ALDH6A1: variants seen among roughly 807,000 people sequenced by gnomAD.
ALDH6A1 encodes aldehyde dehydrogenase 6 family member A1, also known as methylmalonate-semialdehyde/malonate-semialdehyde dehydrogenase [acylating], mitochondrial.
ALDH6A1 carries 43 observed loss-of-function variants against 62.6 expected under a neutral mutation model. The ratio of observed to expected loss-of-function variants is 0.69; its 90% CI spans 0.54 to 0.89. ALDH6A1 has a LOEUF of 0.89. Ranked by LOEUF, ALDH6A1 falls within the 40% of genes least tolerant of loss-of-function variation. The pLI is 0.00. For missense variants in ALDH6A1, 551 were observed against 661.3 expected, an observed-to-expected ratio of 0.83 and a Z score of 1.83; for synonymous variants, 194 against 234.2, an observed-to-expected ratio of 0.83 and a Z score of 1.57.
chr14:74,079,157 C>CT (rs1176689009), intron 1 of ALDH6A1, among the ~76,000 whole-genome samples: 1 of 151,632 alleles, frequency 6.6e-6, no homozygotes, highest in African/African-American at 2.4e-5. Context: ...TACCACATCT[C>CT]TATTTGGATG....
At chr14:74,074,726 T>C (rs1484982187) in intron 2 of ALDH6A1, among the ~76,000 whole-genome samples, 7 of 152,188 alleles carry the variant, frequency 4.6e-5, no homozygotes, top group Non-Finnish European at 1.0e-4. Context: ...CTAAAGGTCA[T>C]TAAGAAGAAG....
chr14:74,079,974 G>C (rs1210761526), intron 1 of ALDH6A1, among the ~76,000 whole-genome samples: 1 of 152,096 alleles, frequency 6.6e-6, no homozygotes, highest in Non-Finnish European at 1.5e-5. Context: ...GGAGATTGAG[G>C]CTACAGTGAG....
At position 74,067,567 on chromosome 14, in the gene ALDH6A1, TC is replaced by T. The variant is rs1282411411; in HGVS notation, c.854del (p.Gly285GlufsTer7). 1 of 1,613,564 alleles carries T rather than the reference TC, an allele frequency of 6.2e-7. No homozygotes were observed. The highest frequency in any genetic ancestry group is 8.5e-7 in the Non-Finnish European group (1 of 1,180,004). On this transcript the variant is annotated frameshift_variant and splice_region_variant, in exon 8 of 12. Transcript: ENST00000553458. LOFTEE classifies it high-confidence loss of function. ...RHGKRVQANM[G>X]AKNHGVVMPD... ...GCATGACTACCCCATGGTTCTTGGC[TC>T]CCTAAAAAAAAATGCAGAAAGCACA...
intron 1 of ALDH6A1, chr14:74,083,009 A>C (rs1294493133): frequency 6.6e-6 from 1 of 152,216 alleles, no homozygotes; most frequent in East Asian, 1.9e-4. Context: ...TATAGGGTGG[A>C]AACTTTGTTT....
rs1237334029 is a variant in ALDH6A1 at position 74,059,910 on chromosome 14, T to C, written c.*732A>G. The C allele has an allele frequency of 6.5e-6, 1 of 153,404 alleles. No individual in the cohort carries two copies. The highest frequency in any genetic ancestry group is 1.5e-5 in the Non-Finnish European group (1 of 68,948). 9.5% of individuals were successfully genotyped at this position (153,404 alleles called of 1,614,324 possible). ...GGTCATGAATTACTAGGAAACAAAG[T>C]GGCATTGAGCAGAAAAGAAAGAAGC... On this transcript the variant is annotated 3_prime_UTR_variant, in exon 12 of 12. Transcript: ENST00000553458.
chr14:74,064,988 A>G (rs2060437149), intron 10 of ALDH6A1, 68 bp from the exon 11 acceptor site: 1 of 1,476,992 alleles, frequency 6.8e-7, no homozygotes, highest in Non-Finnish European at 9.4e-7. Flanking sequence ...ACACAAAGGC[A>G]TCAGAGACCA....
intron 1 of ALDH6A1, among the ~76,000 whole-genome samples, chr14:74,083,879 A>G (rs993822667): frequency 6.6e-5 from 10 of 151,958 alleles, no homozygotes; most frequent in African/African-American, 2.2e-4. Context: ...CCTCCCCCTT[A>G]CCTCAGATCA....
intron 6 of ALDH6A1, chr14:74,070,954 C>G (rs1408335275): frequency 1.8e-6 from 1 of 543,024 alleles, no homozygotes; most frequent in Non-Finnish European, 3.3e-6. Flanking sequence ...TTATCTGTGT[C>G]TAGCCCTAAT....
chr14:74,056,869 C>T lies in ALDH6A1; in HGVS notation c.*3773G>A, dbSNP rs755577197. ...ATATGAAGGCATGAGGAGACACTGC[C>T]TCATTCATTATCTTTGTTGACTTTT... is the stretch of plus-strand genomic sequence containing the variant. On this transcript the variant is annotated 3_prime_UTR_variant, in exon 12 of 12. Transcript: ENST00000553458. 16 of 1,409,752 alleles carry T rather than the reference C, an allele frequency of 1.1e-5. No homozygotes were observed. Among genetic ancestry groups the T allele is most frequent in the Non-Finnish European group, 1.4e-5 (14 of 998,434 alleles). 87.3% of individuals were successfully genotyped at this position (1,409,752 alleles called of 1,614,324 possible). A position where few individuals can be genotyped will look rare whatever the true frequency, so the allele number is the denominator to read the frequency against.
At position 74,057,532 on chromosome 14, in the gene ALDH6A1, T is replaced by C; in HGVS notation, c.*3110A>G. On this transcript the variant is annotated 3_prime_UTR_variant, in exon 12 of 12. Coordinates refer to ENST00000553458, the MANE Select transcript of ALDH6A1 (RefSeq NM_005589.4). ...AACAGCCTAGCCAAAATGTGTACTA[T>C]CTTTTACGTAAGAGTAAACATAGTG... The C allele has an allele frequency of 1.5e-6, 2 of 1,349,550 alleles. No homozygotes were observed. The highest frequency in any genetic ancestry group is 9.6e-7 in the Non-Finnish European group (1 of 1,043,710). The allele number at this position is 1,349,550 out of a possible 1,614,324, so 83.6% of individuals were successfully genotyped here.
intron 1 of ALDH6A1, among the ~76,000 whole-genome samples, chr14:74,083,455 G>T (rs8017369): frequency 1.3e-5 from 2 of 152,204 alleles, no homozygotes; most frequent in Non-Finnish European, 2.9e-5. Context: ...CCTTAGGTTG[G>T]CTTCAGAGAG....
chr14:74,084,307 A>G lies in ALDH6A1; in HGVS notation c.48+40T>C, dbSNP rs756337509. ...TCAGGGAGCGGACGGAAAGGATCCA[A>G]TTCCTAGCTTCATGGTGCCTTGGCA... On this transcript the variant is annotated intron_variant, in intron 1 of 11. Transcript: ENST00000553458. The G allele has an allele frequency of 4.3e-6, 7 of 1,613,376 alleles. No individual in the cohort carries two copies. In the South Asian group the frequency reaches 5.5e-5, roughly 13 times the overall value.
chr14:74,063,742 T>A (rs1257862942), intron 11 of ALDH6A1, among the ~76,000 whole-genome samples: 1 of 151,170 alleles, frequency 6.6e-6, no homozygotes, highest in African/African-American at 2.4e-5. Context: ...GGTGGGCATC[T>A]GTAATCCCAG....
Position 74,057,469 on chromosome 14 carries a change from C to T in ALDH6A1, c.*3173G>A. 6.9e-7 allele frequency: 1 copy of T among 1,443,856 alleles called. No individual in the cohort carries two copies. The allele number at this position is 1,443,856 out of a possible 1,614,324, so 89.4% of individuals were successfully genotyped here. On this transcript the variant is annotated 3_prime_UTR_variant, in exon 12 of 12. Transcript: ENST00000553458. ...CTAATGCAAATGCAAATGTGTGCCT[C>T]TTTTTGTGTAGAAACCTATAGGTTG...
intron 2 of ALDH6A1, 48 bp downstream of exon 2, chr14:74,074,907 A>T: frequency 1.9e-6 from 3 of 1,575,252 alleles, no homozygotes; most frequent in Non-Finnish European, 2.6e-6. Flanking sequence ...ACCCAAAACT[A>T]TACTGAATTC....
At chr14:74,081,847 C>T (rs1442838126) in intron 1 of ALDH6A1, among the ~76,000 whole-genome samples, 3 of 152,198 alleles carry the variant, frequency 2.0e-5, no homozygotes, top group Admixed American at 6.6e-5. Context: ...TCTGAATTTT[C>T]AGCCCCATCA....
At chr14:74,080,739 A>C (rs2060661230) in intron 1 of ALDH6A1, among the ~76,000 whole-genome samples, 1 of 152,208 alleles carries the variant, frequency 6.6e-6, no homozygotes, top group African/African-American at 2.4e-5. Context: ...CATCACACCC[A>C]GCCTACTCTT....
chr14:74,066,919 C>A, intron 8 of ALDH6A1, 33 bp from the exon 9 acceptor site: 1 of 1,593,090 alleles, frequency 6.3e-7, no homozygotes, highest in Non-Finnish European at 8.6e-7. Context: ...TTAAGGTCCT[C>A]ATTAACATAA....
chr14:74,072,249 C>T lies in ALDH6A1; in HGVS notation c.302G>A (p.Arg101His), dbSNP rs780889448. Residue 101 changes from arginine to histidine, a missense_variant, in exon 4 of 12, where the codon CGC (arginine) becomes CAC (histidine). Coordinates refer to ENST00000553458, the MANE Select transcript of ALDH6A1 (RefSeq NM_005589.4). ...PAWADTSVLS[R>H]QQVLLRYQQL... is the part of the protein sequence containing the mutation. Reference sequence around the variant, plus strand: ...TTGATAGCGGAGCAAGACCTGCTGGCGGCTTAATACTGAAGTGTCTGCCCA... The same window carrying T: ...TTGATAGCGGAGCAAGACCTGCTGGTGGCTTAATACTGAAGTGTCTGCCCA... 1.7e-5 allele frequency: 28 copies of T among 1,614,082 alleles called. No homozygotes were observed. The highest frequency in any genetic ancestry group is 2.1e-5 in the Non-Finnish European group (25 of 1,180,042).
Sources: allele counts gnomAD v4.1 joint callset (sites outside exome capture counted in the v4.1 genomes callset), GRCh38; gene constraint gnomAD v4.1.1; transcripts MANE v1.5; gene names NCBI Gene and HGNC (gene_info 2026-07-23, HGNC 2026-07-21).